FGD3: variants seen among roughly 807,000 people sequenced by gnomAD.
The protein encoded by FGD3 is FYVE, RhoGEF and PH domain containing 3, also known as FYVE, RhoGEF and PH domain-containing protein 3.
FGD3 carries 45 observed loss-of-function variants against 71.8 expected under a neutral mutation model. The observed-to-expected ratio is 0.63, with a 90% CI of 0.49 to 0.80. FGD3 has a LOEUF of 0.80. Ranked by LOEUF, FGD3 falls within the 30% of genes least tolerant of loss-of-function variation. The probability of loss-of-function intolerance (pLI) is 0.00; values close to 1 mark genes in which losing one functional copy is unlikely to be tolerated. For synonymous variants in FGD3, 378 were observed against 392.8 expected (o/e 0.96, Z 0.44); for missense variants, 844 against 951.5 (o/e 0.89, Z 1.49).
intron 1 of FGD3, among the ~76,000 whole-genome samples, chr9:92,965,632 G>T (rs1299750130): frequency 6.6e-6 from 1 of 152,236 alleles, no homozygotes; most frequent in Non-Finnish European, 1.5e-5. Context: ...GCACACAGAG[G>T]CCTGCAGCCG....
intron 15 of FGD3, among the ~76,000 whole-genome samples, chr9:93,030,585 A>G (rs1051237899): frequency 1.3e-5 from 2 of 152,188 alleles, no homozygotes; most frequent in African/African-American, 2.4e-5. Flanking sequence ...TAAGAGATTA[A>G]AGTTGAATCT....
rs1240967447 is a variant in FGD3, at chr9:92,969,364, C to T, written c.-217-5874C>T. On this transcript the variant is annotated intron_variant, in intron 1 of 17. Coordinates refer to ENST00000375482, the MANE Select transcript of FGD3 (RefSeq NM_001083536.2). This position sits in a 1 kb window ranked among gnomAD's most constrained non-coding sequence, Gnocchi z 4.5. ...AGTGTGAGAGCCCAGAGCTGTCTTCCCTCCTGACCTGGCCTCCCACATGCT... is the reference window on the plus strand; with the variant it reads ...AGTGTGAGAGCCCAGAGCTGTCTTCTCTCCTGACCTGGCCTCCCACATGCT... Among the ~76,000 whole-genome samples the T allele has an allele frequency of 1.3e-5, 2 of 152,220 alleles. No individual in the cohort carries two copies. The highest frequency in any genetic ancestry group is 2.9e-5 in the Non-Finnish European group (2 of 68,034).
intron 1 of FGD3, among the ~76,000 whole-genome samples, chr9:92,971,561 C>CTTTTTTTTTT (rs1318618124): frequency 6.3e-5 from 4 of 63,244 alleles, no homozygotes; most frequent in Admixed American, 2.1e-4. Flanking sequence ...CTTTTCTTTT[C>CTTTTTTTTTT]TTTTCTTTTT....
chr9:92,974,104 G>A (rs181333402), intron 1 of FGD3, among the ~76,000 whole-genome samples: 13,272 of 149,056 alleles, frequency 0.089, 765 homozygotes, highest in Non-Finnish European at 0.13. Context: ...GTCCATTTTT[G>A]TTGTTGTTCC....
intron 1 of FGD3, among the ~76,000 whole-genome samples, chr9:92,958,782 T>TATCTAAATG (rs1859111666): frequency 6.6e-6 from 1 of 152,238 alleles, no homozygotes; most frequent in Non-Finnish European, 1.5e-5. Flanking sequence ...TTGGTACGGC[T>TATCTAAATG]ATCTAAATGT....
chr9:93,007,835 C>T (rs1861131897), intron 6 of FGD3, among the ~76,000 whole-genome samples: 1 of 152,184 alleles, frequency 6.6e-6, no homozygotes, highest in Non-Finnish European at 1.5e-5. Flanking sequence ...ACATTGGGTG[C>T]ACCCAGCATC....
chr9:92,947,944 C>T (rs910543944), intron 1 of FGD3, among the ~76,000 whole-genome samples: 1 of 152,052 alleles, frequency 6.6e-6, no homozygotes, highest in African/African-American at 2.4e-5. Flanking sequence ...TGAGCACAGC[C>T]CAGTGGAGAC....
intron 14 of FGD3, 140 bp downstream of exon 14, chr9:93,022,529 T>A: frequency 1.3e-6 from 1 of 795,812 alleles, no homozygotes; most frequent in Non-Finnish European, 2.0e-6. Context: ...CAGTCTGCCC[T>A]GCTCACTGTG....
chr9:92,957,038 A>T (rs1859066761), intron 1 of FGD3, among the ~76,000 whole-genome samples: 1 of 151,704 alleles, frequency 6.6e-6, no homozygotes, highest in South Asian at 2.1e-4. Context: ...ACTCCTTTTT[A>T]TTGCTGGATC....
intron 2 of FGD3, 58 bp downstream of exon 2, chr9:92,975,463 C>G (rs9942903): frequency 0.6 from 90,498 of 152,028 alleles, 27,150 homozygotes; most frequent in South Asian, 0.67. Context: ...GCTGCGTCTT[C>G]GGTTCAAGAG....
chr9:92,998,938 G>A (rs921416982), intron 3 of FGD3, among the ~76,000 whole-genome samples: 1 of 152,216 alleles, frequency 6.6e-6, no homozygotes, highest in Non-Finnish European at 1.5e-5. Flanking sequence ...ACTTGAGGAG[G>A]CAGTCTGTCC....
At position 93,035,433 on chromosome 9, in the gene FGD3, G is replaced by T. The variant is rs745653403; in HGVS notation, c.2022G>T (p.Leu674=). Reference sequence around the variant, plus strand: ...TGGACTCGGGGCATGTGTGGAAGCTGCAGTGGGCCAAGCAGTCCTGGTACC... The same window carrying T: ...TGGACTCGGGGCATGTGTGGAAGCTTCAGTGGGCCAAGCAGTCCTGGTACC... ...ERLDSGHVWK[L]QWAKQSWYLS... The change falls in exon 18 of 18, where the codon CTG becomes CTT. Residue 674 remains leucine, a synonymous_variant. Transcript: ENST00000375482. 8.1e-6 allele frequency: 13 copies of T among 1,612,422 alleles called. No homozygotes were observed. The highest frequency in any genetic ancestry group is 1.0e-5 in the Non-Finnish European group (12 of 1,179,524).
intron 7 of FGD3, 90 bp downstream of exon 7, chr9:93,010,474 G>C: frequency 7.2e-7 from 1 of 1,381,608 alleles, no homozygotes. Context: ...AGAGTCGTGG[G>C]GTCATGGGGG....
At chr9:92,980,581 T>C (rs538338570) in intron 3 of FGD3, among the ~76,000 whole-genome samples, 17 of 152,062 alleles carry the variant, frequency 1.1e-4, no homozygotes, top group Admixed American at 3.3e-4. Context: ...TTAATGTACG[T>C]ATTTATAGCT....
At chr9:93,030,135 A>C in intron 15 of FGD3, 139 bp downstream of exon 15, 1 of 971,168 alleles carries the variant, frequency 1.0e-6, no homozygotes, top group Non-Finnish European at 1.5e-6. Context: ...TGGCTCATGG[A>C]TATAGATACC....
intron 12 of FGD3, 80 bp from the exon 13 acceptor site, chr9:93,020,237 C>A: frequency 7.4e-7 from 1 of 1,359,678 alleles, no homozygotes; most frequent in East Asian, 2.3e-5. Flanking sequence ...GTCCTCGGGA[C>A]AGAGGCAGGC....
chr9:93,032,667 TCCCGCCCACTCCACC>T, intron 15 of FGD3, 87 bp from the exon 16 acceptor site: 1 of 557,066 alleles, frequency 1.8e-6, no homozygotes, highest in Non-Finnish European at 2.7e-6. Flanking sequence ...TTAAGTCTCC[TCCCGCCCACTCCACC>T]TCCCGCCCAC....
chr9:92,980,579 C>T (rs191663706), intron 3 of FGD3, among the ~76,000 whole-genome samples: 4 of 151,152 alleles, frequency 2.6e-5, no homozygotes, highest in Non-Finnish European at 4.4e-5. Context: ...TTTTAATGTA[C>T]GTATTTATAG....
intron 3 of FGD3, among the ~76,000 whole-genome samples, chr9:92,981,183 A>C (rs1438819771): frequency 2.0e-5 from 3 of 151,050 alleles, no homozygotes; most frequent in South Asian, 2.1e-4. Context: ...CCTGGCTAAC[A>C]TGGTGAAAAC....
Sources: allele counts gnomAD v4.1 joint callset (sites outside exome capture counted in the v4.1 genomes callset), GRCh38; gene constraint gnomAD v4.1.1; non-coding constraint Gnocchi (gnomAD v3.1); transcripts MANE v1.5; gene names NCBI Gene and HGNC (gene_info 2026-07-23, HGNC 2026-07-21).